ZFP42: variants seen among roughly 807,000 people sequenced by gnomAD.
ZFP42 encodes the protein zinc finger protein 42 homolog.
For synonymous variants in ZFP42, 175 were observed against 144.6 expected (o/e 1.21, Z -1.51); for missense variants, 438 against 377.1 (o/e 1.16, Z -1.34).
In ZFP42 at chr4:188,003,648, G is replaced by A. The variant is rs751678634; in HGVS notation, c.841G>A (p.Gly281Ser). The A allele has an allele frequency of 1.9e-6, 3 of 1,613,610 alleles. No individual in the cohort carries two copies. The highest frequency in any genetic ancestry group is 2.2e-5 in the East Asian group (1 of 44,872). The change falls in exon 4 of 4, where the codon GGC (glycine) becomes AGC (serine). Residue 281 changes from glycine (G) to serine (S), a missense_variant. Coordinates refer to ENST00000326866, the MANE Select transcript of ZFP42 (RefSeq NM_174900.5). ...GAAACGTTTCGTGTGTCCCTTTCAA[G>A]GCTGCAACAGGAGGTTTATTCAGTC... Reference protein sequence around the residue: ...GEKRFVCPFQGCNRRFIQSNN... With the variant: ...GEKRFVCPFQSCNRRFIQSNN...
intron 1 of ZFP42, among the ~76,000 whole-genome samples, chr4:187,996,268 C>T (rs7688251): frequency 0.033 from 5,024 of 152,192 alleles, 286 homozygotes; most frequent in African/African-American, 0.11. Context: ...GGCAATACCC[C>T]CAACTCAAAT....
At chr4:187,998,577 G>C (rs1733695166) in intron 1 of ZFP42, among the ~76,000 whole-genome samples, 1 of 152,166 alleles carries the variant, frequency 6.6e-6, no homozygotes, top group Admixed American at 6.5e-5. Flanking sequence ...TGCCTACACA[G>C]GTGTACCATT....
Position 188,003,913 on chromosome 4 carries a change from T to C in ZFP42, c.*173T>C. 1.7e-6 allele frequency: 1 copy of C among 589,558 alleles called. No homozygotes were observed. The highest frequency in any genetic ancestry group is 1.9e-5 in the African/African-American group (1 of 53,632). The allele number at this position is 589,558 out of a possible 1,614,324, so 36.5% of individuals were successfully genotyped here. A position where few individuals can be genotyped will look rare whatever the true frequency, so the allele number is the denominator to read the frequency against. Reference sequence around the variant, plus strand: ...TTGTGATACCGTTTTAAGGACATGGTGCATTTTTTTTTCTTTTATTTGTTT... The same window carrying C: ...TTGTGATACCGTTTTAAGGACATGGCGCATTTTTTTTTCTTTTATTTGTTT... On this transcript the variant is annotated 3_prime_UTR_variant, in exon 4 of 4. Coordinates refer to ENST00000326866, the MANE Select transcript of ZFP42 (RefSeq NM_174900.5).
At position 188,002,861 on chromosome 4, in the gene ZFP42, T is replaced by A. The variant is rs1223272070; in HGVS notation, c.54T>A (p.Gly18=). Residue 18 remains glycine (G), a synonymous_variant, in exon 4 of 4, where the codon GGT becomes GGA. Transcript: ENST00000326866. Reference sequence around the variant, plus strand: ...AGACAAGACACCAGAAAGGCCTGGGTGGAAGAGCCCCCAGTGGGGCTAAGC... The same window carrying A: ...AGACAAGACACCAGAAAGGCCTGGGAGGAAGAGCCCCCAGTGGGGCTAAGC... ...RAKTRHQKGL[G]GRAPSGAKPR... 1 of 1,613,916 alleles carries A rather than the reference T, an allele frequency of 6.2e-7. No individual in the cohort carries two copies. Among genetic ancestry groups the A allele is most frequent in the African/African-American group, 1.3e-5 (1 of 74,872 alleles).
At chr4:187,997,683 A>G (rs879280696) in intron 1 of ZFP42, among the ~76,000 whole-genome samples, 2 of 152,282 alleles carry the variant, frequency 1.3e-5, no homozygotes, top group African/African-American at 2.4e-5. Flanking sequence ...TACTAAATGT[A>G]TATGAAGATT....
chr4:187,997,706 G>A (rs192334449), intron 1 of ZFP42, among the ~76,000 whole-genome samples: 2 of 151,988 alleles, frequency 1.3e-5, no homozygotes, highest in African/African-American at 4.8e-5. Context: ...GTCCACATCC[G>A]CTTTTACCAG....
rs1383961347 is a variant in ZFP42 at position 188,003,008 on chromosome 4, T to G, written c.201T>G (p.Asp67Glu). Residue 67 changes from aspartate (D) to glutamate (E), a missense_variant, in exon 4 of 4, where the codon GAT (aspartate) becomes GAG (glutamate). Transcript: ENST00000326866. ...EPGPQALGGD[D>E]FSDCYIECVI... ...GCCCTCAGGCTCTCGGAGGGGATGATTTCTCAGACTGTTACATAGAATGCG... is the reference window on the plus strand; with the variant it reads ...GCCCTCAGGCTCTCGGAGGGGATGAGTTCTCAGACTGTTACATAGAATGCG... 1 of 1,613,992 alleles carries G rather than the reference T, an allele frequency of 6.2e-7. No individual in the cohort carries two copies. Among genetic ancestry groups the G allele is most frequent in the African/African-American group, 1.3e-5 (1 of 74,890 alleles).
chr4:187,998,240 GCGGGAGAA>G (rs1560912094), intron 1 of ZFP42, among the ~76,000 whole-genome samples: 3 of 152,114 alleles, frequency 2.0e-5, no homozygotes, highest in African/African-American at 7.2e-5. Context: ...GGAGGCTGAC[GCGGGAGAA>G]TCGGCTGAAC....
At chr4:187,997,933 GA>G (rs1271092440) in intron 1 of ZFP42, among the ~76,000 whole-genome samples, 1 of 152,120 alleles carries the variant, frequency 6.6e-6, no homozygotes, top group African/African-American at 2.4e-5. Flanking sequence ...AAATTTTACA[GA>G]ATAAGAATAT....
Position 188,003,078 on chromosome 4 carries a change from C to T in ZFP42, c.271C>T (p.Leu91Phe). 3 of 1,614,182 alleles carry T rather than the reference C, an allele frequency of 1.9e-6. No individual in the cohort carries two copies. The part of the protein sequence containing the change: ...FSQPILEEDS[L>F]FESLEYLKKG... The stretch of plus-strand genomic sequence containing the variant: ...TCAACCCATCCTGGAAGAGGACTCA[C>T]TTTTTGAGTCCTTGGAATACCTAAA... Residue 91 changes from leucine to phenylalanine, a missense_variant, in exon 4 of 4, where the codon CTT (leucine) becomes TTT (phenylalanine). By Grantham distance (22) the Leu-to-Phe change is conservative. Coordinates refer to ENST00000326866, the MANE Select transcript of ZFP42 (RefSeq NM_174900.5).
chr4:188,003,740 GTCC>G lies in ZFP42; in HGVS notation c.*4_*6del. On this transcript the variant is annotated 3_prime_UTR_variant, in exon 4 of 4. Coordinates refer to ENST00000326866, the MANE Select transcript of ZFP42 (RefSeq NM_174900.5). ...ACAAGAATGAACAAGAGGGAAAGTA[GTCC>G]TCCAACAGGATGAAGCAGATTAACA... is the stretch of plus-strand genomic sequence containing the variant. 6.2e-7 allele frequency: 1 copy of G among 1,605,316 alleles called. No homozygotes were observed. The highest frequency in any genetic ancestry group is 8.5e-7 in the Non-Finnish European group (1 of 1,173,392).
At chr4:188,000,255 C>T (rs1055319526) in intron 3 of ZFP42, among the ~76,000 whole-genome samples, 12 of 152,144 alleles carry the variant, frequency 7.9e-5, no homozygotes, top group African/African-American at 2.9e-4. Context: ...GATGCACAAG[C>T]TGTTTTTTAA....
intron 1 of ZFP42, among the ~76,000 whole-genome samples, chr4:187,996,737 T>A (rs1733587335): frequency 6.6e-6 from 1 of 152,214 alleles, no homozygotes; most frequent in Non-Finnish European, 1.5e-5. Context: ...TGCCGCCATC[T>A]GCTCCAAACC....
intron 1 of ZFP42, among the ~76,000 whole-genome samples, chr4:187,997,026 GCATGGAGCGTGGA>G (rs1733612298): frequency 1.7e-5 from 1 of 58,504 alleles, no homozygotes; most frequent in Non-Finnish European, 3.2e-5. Context: ...GGAGCATGGA[GCATGGAGCGTGGA>G]GCATGGAGCA....
intron 3 of ZFP42, among the ~76,000 whole-genome samples, chr4:188,002,384 A>G (rs1733859564): frequency 6.6e-6 from 1 of 152,200 alleles, no homozygotes; most frequent in African/African-American, 2.4e-5. Flanking sequence ...TTCTATGCTC[A>G]TGAGTATGTC....
At chr4:188,001,128 T>C (rs1420376083) in intron 3 of ZFP42, among the ~76,000 whole-genome samples, 3 of 152,200 alleles carry the variant, frequency 2.0e-5, no homozygotes, top group Non-Finnish European at 4.4e-5. Context: ...TTTTATTATA[T>C]GTATTTGTTT....
chr4:188,003,047 G>C lies in ZFP42; in HGVS notation c.240G>C (p.Glu80Asp). 1 of 1,614,136 alleles carries C rather than the reference G, an allele frequency of 6.2e-7. No individual in the cohort carries two copies. Among genetic ancestry groups the C allele is most frequent in the Non-Finnish European group, 8.5e-7 (1 of 1,180,008 alleles). Reference sequence around the variant, plus strand: ...ACATAGAATGCGTCATAAGGGGTGAGTTTTCTCAACCCATCCTGGAAGAGG... The same window carrying C: ...ACATAGAATGCGTCATAAGGGGTGACTTTTCTCAACCCATCCTGGAAGAGG... The part of the protein sequence containing the change: ...DCYIECVIRG[E>D]FSQPILEEDS... Residue 80 changes from glutamate (E) to aspartate (D), a missense_variant, in exon 4 of 4, where the codon GAG becomes GAC. Physicochemically the swap from Glu to Asp is conservative, Grantham distance 45 (BLOSUM62 2). Transcript: ENST00000326866.
intron 3 of ZFP42, among the ~76,000 whole-genome samples, chr4:188,000,294 G>T (rs1199380876): frequency 6.6e-6 from 1 of 152,102 alleles, no homozygotes. Context: ...GCAGCTCTGT[G>T]TTTAATCCTA....
At position 188,003,861 on chromosome 4, in the gene ZFP42, T is replaced by C; in HGVS notation, c.*121T>C. 9.6e-7 allele frequency: 1 copy of C among 1,045,148 alleles called. No homozygotes were observed. Among genetic ancestry groups the C allele is most frequent in the Non-Finnish European group, 1.4e-6 (1 of 728,722 alleles). 64.7% of individuals were successfully genotyped at this position (1,045,148 alleles called of 1,614,324 possible). ...TTGCAACCCCAAAAGCGGTTATAAT[T>C]TGGTGTTACTAAGATGCTCCTACAC... On this transcript the variant is annotated 3_prime_UTR_variant, in exon 4 of 4. Transcript: ENST00000326866.
Sources: allele counts gnomAD v4.1 joint callset (sites outside exome capture counted in the v4.1 genomes callset), GRCh38; gene constraint gnomAD v4.1.1; transcripts MANE v1.5; gene names NCBI Gene and HGNC (gene_info 2026-07-23, HGNC 2026-07-21).